PDK1: variants seen among roughly 807,000 people sequenced by gnomAD.
The protein encoded by PDK1 is pyruvate dehydrogenase kinase 1, also known as [Pyruvate dehydrogenase (acetyl-transferring)] kinase isozyme 1, mitochondrial.
In PDK1, 39 loss-of-function variants were observed where a neutral mutation model predicts 54.2. The observed-to-expected ratio is 0.72, with a 90% CI of 0.56 to 0.94. The LOEUF (loss-of-function observed/expected upper bound fraction) is 0.94, where lower values mean the gene tolerates loss of function less well. Among genes scored for constraint, PDK1 ranks in the 40% least tolerant of loss-of-function variants. The pLI is 0.00. For missense variants in PDK1, 552 were observed against 566.0 expected (o/e 0.98, Z 0.25); for synonymous variants, 221 against 207.1 (o/e 1.07, Z -0.58).
chr2:172,558,805 A>T lies in PDK1; in HGVS notation c.294A>T (p.Pro98=). 1 of 1,611,620 alleles carries T rather than the reference A, an allele frequency of 6.2e-7. No individual in the cohort carries two copies. ...TAATGAAAGAAATAAGTCTCCTTCC[A>T]GATAATCTTCTCAGGACACCATCCG... The part of the protein sequence containing the change: ...ANIMKEISLL[P]DNLLRTPSVQ... The change falls in exon 2 of 11, where the codon CCA becomes CCT. Residue 98 remains proline (P), a synonymous_variant. Coordinates refer to ENST00000282077, the MANE Select transcript of PDK1 (RefSeq NM_002610.5).
At chr2:172,666,496 G>A in the PDK1 span, among the ~76,000 whole-genome samples, 3 of 152,202 alleles carry the variant, frequency 2.0e-5, no homozygotes, top group Admixed American at 6.5e-5. Context: ...TATCCCTGAC[G>A]CAGGTAGCCC....
intron 9 of PDK1, among the ~76,000 whole-genome samples, chr2:172,588,156 A>G (rs1169917859): frequency 6.6e-6 from 1 of 152,254 alleles, no homozygotes; most frequent in Non-Finnish European, 1.5e-5. Flanking sequence ...GTTGGCATCC[A>G]TATGTCAAGG....
the PDK1 span, among the ~76,000 whole-genome samples, chr2:172,691,947 T>C: frequency 6.6e-6 from 1 of 152,344 alleles, no homozygotes; most frequent in African/African-American, 2.4e-5. Flanking sequence ...TTGGATAGTA[T>C]AGTAAGAATA....
the PDK1 span, among the ~76,000 whole-genome samples, chr2:172,700,784 TC>T: frequency 5.3e-5 from 8 of 152,132 alleles, no homozygotes; most frequent in African/African-American, 1.7e-4. Flanking sequence ...GGCAGATCAC[TC>T]GCGGTCAGGA....
chr2:172,689,082 C>G, the PDK1 span, among the ~76,000 whole-genome samples: 1 of 152,172 alleles, frequency 6.6e-6, no homozygotes, highest in African/African-American at 2.4e-5. Flanking sequence ...GAGTGGCCAG[C>G]TTTTATTCCT....
chr2:172,581,155 T>A (rs188258104), intron 8 of PDK1, among the ~76,000 whole-genome samples: 1 of 152,174 alleles, frequency 6.6e-6, no homozygotes, highest in Non-Finnish European at 1.5e-5. Context: ...TGCGGTGGCA[T>A]GATCTCAGCT....
chr2:172,680,602 A>C, the PDK1 span, among the ~76,000 whole-genome samples: 1 of 152,108 alleles, frequency 6.6e-6, no homozygotes, highest in Non-Finnish European at 1.5e-5. Context: ...TCCAGGCTTC[A>C]AGCACTTCTC....
chr2:172,664,064 C>A, the PDK1 span, among the ~76,000 whole-genome samples: 1 of 150,624 alleles, frequency 6.6e-6, no homozygotes, highest in Non-Finnish European at 1.5e-5. Context: ...GTAATCCCAG[C>A]ACTTTGGGAG....
chr2:172,702,905 T>C, the PDK1 span, among the ~76,000 whole-genome samples: 1 of 152,192 alleles, frequency 6.6e-6, no homozygotes. Context: ...TCCATCTCAT[T>C]GTAGACTGTA....
the PDK1 span, among the ~76,000 whole-genome samples, chr2:172,686,625 C>G: frequency 6.6e-6 from 1 of 152,196 alleles, no homozygotes; most frequent in Admixed American, 6.5e-5. Context: ...ACTTTTTACG[C>G]TGTGGAAGCT....
the PDK1 span, among the ~76,000 whole-genome samples, chr2:172,622,107 T>C: frequency 0.019 from 2,491 of 128,792 alleles, 112 homozygotes; most frequent in African/African-American, 0.074. Context: ...TCTCATATAT[T>C]ATGTGAGATA....
downstream of PDK1, among the ~76,000 whole-genome samples, chr2:172,611,994 A>G (rs537025535): frequency 2.6e-4 from 40 of 152,374 alleles, no homozygotes; most frequent in Middle Eastern, 0.01. Context: ...AAAGAAATAC[A>G]TGGCTAGAAA....
chr2:172,638,471 T>C, the PDK1 span, among the ~76,000 whole-genome samples: 2 of 152,188 alleles, frequency 1.3e-5, no homozygotes, highest in Non-Finnish European at 2.9e-5. Context: ...GTGTAGAAAA[T>C]ATTATTTCTT....
At chr2:172,686,932 T>G in the PDK1 span, among the ~76,000 whole-genome samples, 1 of 152,242 alleles carries the variant, frequency 6.6e-6, no homozygotes, top group Non-Finnish European at 1.5e-5. Flanking sequence ...CATCTGTCTT[T>G]GATATCATCT....
chr2:172,579,873 T>A (rs1457893726), intron 8 of PDK1, among the ~76,000 whole-genome samples: 1 of 152,044 alleles, frequency 6.6e-6, no homozygotes, highest in Non-Finnish European at 1.5e-5. Context: ...ATTAAGAGGA[T>A]GTTGGGCTTC....
At chr2:172,584,778 C>T (rs1690118844) in intron 8 of PDK1, among the ~76,000 whole-genome samples, 2 of 150,930 alleles carry the variant, frequency 1.3e-5, no homozygotes, top group Non-Finnish European at 3.0e-5. Flanking sequence ...CCTCAGCCTC[C>T]CAAGTAGTTG....
chr2:172,659,294 T>C, the PDK1 span, among the ~76,000 whole-genome samples: 1 of 152,176 alleles, frequency 6.6e-6, no homozygotes. Context: ...AAATCTAATT[T>C]CACTAACCCT....
At chr2:172,704,674 T>C in the PDK1 span, among the ~76,000 whole-genome samples, 28,666 of 152,012 alleles carry the variant, frequency 0.19, 3,260 homozygotes, top group African/African-American at 0.32. Context: ...ATGTGCTTTA[T>C]TTTAGCACGT....
chr2:172,676,351 G>A, the PDK1 span, among the ~76,000 whole-genome samples: 84 of 152,268 alleles, frequency 5.5e-4, no homozygotes, highest in Admixed American at 2.4e-3. Flanking sequence ...TTCTGGAAAG[G>A]ATTCACTATT....
Sources: gnomAD v4.1 joint callset for allele counts (sites outside exome capture counted in the v4.1 genomes callset) on GRCh38, gnomAD v4.1.1 for gene constraint, MANE v1.5 for transcripts, NCBI Gene and HGNC (gene_info 2026-07-23, HGNC 2026-07-21) for gene names.